The following CDH1 variants were observed in gnomAD, a reference collection of about 807,000 sequenced individuals.
CDH1 encodes cadherin-1.
A neutral mutation model predicts 84.5 loss-of-function variants in CDH1; 35 were observed. That is an observed-to-expected ratio of 0.41 (90% CI 0.32 to 0.55). The LOEUF is 0.55. CDH1 is among the 20% of genes least tolerant of loss of function. The probability of loss-of-function intolerance (pLI) is 0.19; values close to 1 mark genes in which losing one functional copy is unlikely to be tolerated. For synonymous variants in CDH1, 417 were observed against 439.0 expected, an observed-to-expected ratio of 0.95 and a Z score of 0.63; for missense variants, 994 against 1,126.6, an observed-to-expected ratio of 0.88 and a Z score of 1.68.
At chr16:68,803,820 G>C (rs1437639156) in intron 3 of CDH1, among the ~76,000 whole-genome samples, 1 of 151,782 alleles carries the variant, frequency 6.6e-6, no homozygotes, top group South Asian at 2.1e-4. Flanking sequence ...TCCAATTGTC[G>C]TGGTTTATGT....
chr16:68,768,884 A>G (rs11075699), intron 2 of CDH1, among the ~76,000 whole-genome samples: 57,155 of 152,064 alleles, frequency 0.38, 11,504 homozygotes, highest in East Asian at 0.48. Context: ...CCTCAGGGCC[A>G]TGGTGCCTGC....
Position 68,801,866 on chromosome 16 carries a change from G to T in CDH1, c.360G>T (p.Gly120=). 1.2e-6 allele frequency: 2 copies of T among 1,614,124 alleles called. No individual in the cohort carries two copies. Among genetic ancestry groups the T allele is most frequent in the Non-Finnish European group, 1.7e-6 (2 of 1,179,992 alleles). The change falls in exon 3 of 16, where the codon GGG becomes GGT. Residue 120 remains glycine (G), a synonymous_variant. Transcript: ENST00000261769. ...FSTKVTLNTV[G]HHHRPPPHQA... is the part of the protein sequence containing the mutation. ...CCAAAGTCACGCTGAATACAGTGGG[G>T]CACCACCACCGCCCCCCGCCCCATC...
intron 2 of CDH1, among the ~76,000 whole-genome samples, chr16:68,780,751 G>A (rs924846968): frequency 5.3e-5 from 8 of 152,168 alleles, no homozygotes; most frequent in Admixed American, 4.6e-4. Context: ...CCTCATTCTC[G>A]TGATTTCATG....
intron 2 of CDH1, among the ~76,000 whole-genome samples, chr16:68,793,513 C>T (rs976788195): frequency 6.6e-6 from 1 of 152,152 alleles, no homozygotes; most frequent in African/African-American, 2.4e-5. Context: ...TGAGTCCTGG[C>T]GGCTAAGTAG....
chr16:68,787,232 A>C (rs1960078438), intron 2 of CDH1, among the ~76,000 whole-genome samples: 1 of 152,206 alleles, frequency 6.6e-6, no homozygotes, highest in Non-Finnish European at 1.5e-5. Flanking sequence ...CCGCAAGCCT[A>C]GTGCTGAAGA....
At chr16:68,815,882 A>G (rs1418425736) in intron 10 of CDH1, 123 bp downstream of exon 10, 4 of 1,205,804 alleles carry the variant, frequency 3.3e-6, no homozygotes, top group Non-Finnish European at 4.8e-6. Flanking sequence ...CATTCTCTTA[A>G]TTTATTTTTT....
intron 2 of CDH1, among the ~76,000 whole-genome samples, chr16:68,770,575 G>A (rs943930666): frequency 6.6e-6 from 1 of 151,990 alleles, no homozygotes; most frequent in East Asian, 1.9e-4. Context: ...CATTCTAGAA[G>A]GATGTAAAGC....
intron 15 of CDH1, among the ~76,000 whole-genome samples, 162 bp downstream of exon 15, chr16:68,829,959 C>CTT (rs35566564): frequency 6.5e-5 from 7 of 108,010 alleles, no homozygotes; most frequent in Admixed American, 9.3e-5. Flanking sequence ...TTTTCTTTTT[C>CTT]TTTTTTTTTT....
chr16:68,743,348 TTTC>T (rs1187858090), intron 2 of CDH1, among the ~76,000 whole-genome samples: 18,767 of 60,082 alleles, frequency 0.31, 2,971 homozygotes, highest in Middle Eastern at 0.34. Flanking sequence ...TCTTTCTTTC[TTTC>T]TTTCTTTCTT....
At chr16:68,789,191 AT>A (rs1018284478) in intron 2 of CDH1, among the ~76,000 whole-genome samples, 1 of 151,004 alleles carries the variant, frequency 6.6e-6, no homozygotes, top group East Asian at 1.9e-4. Flanking sequence ...TGCCCAGCTA[AT>A]TTTTTTTTGT....
At chr16:68,774,231 ATGTT>A (rs567963135) in intron 2 of CDH1, among the ~76,000 whole-genome samples, 29 of 152,264 alleles carry the variant, frequency 1.9e-4, no homozygotes, top group African/African-American at 7.0e-4. Context: ...CAGTTTTAAA[ATGTT>A]TGTTGATGGC....
intron 3 of CDH1, 140 bp from the exon 4 acceptor site, chr16:68,808,284 G>C: frequency 1.2e-6 from 1 of 833,792 alleles, no homozygotes; most frequent in South Asian, 1.5e-5. Context: ...ATTTGTCATT[G>C]ATAAGAGAAT....
At chr16:68,806,122 A>ATGTTTGTTTATT (rs377407300) in intron 3 of CDH1, among the ~76,000 whole-genome samples, 57 of 144,434 alleles carry the variant, frequency 3.9e-4, no homozygotes, top group African/African-American at 1.4e-3. Flanking sequence ...TAATTTTTGT[A>ATGTTTGTTTATT]TATTTATTTA....
chr16:68,767,204 T>A (rs79569467), intron 2 of CDH1, among the ~76,000 whole-genome samples: 1 of 151,748 alleles, frequency 6.6e-6, no homozygotes, highest in Non-Finnish European at 1.5e-5. Context: ...TTTTTTTTTT[T>A]CTTTTCCCCT....
At chr16:68,826,441 C>T (rs9940010) in intron 13 of CDH1, 8,656 of 152,206 alleles carry the variant, frequency 0.057, 308 homozygotes, top group African/African-American at 0.097. Context: ...GCCACTCCTC[C>T]GGCCAATTTC....
chr16:68,748,583 A>G (rs1413062703), intron 2 of CDH1, among the ~76,000 whole-genome samples: 2 of 152,224 alleles, frequency 1.3e-5, no homozygotes, highest in Non-Finnish European at 1.5e-5. Flanking sequence ...ACAGTATTTC[A>G]GACAGTAACC....
At chr16:68,817,264 A>G (rs1961010376) in intron 10 of CDH1, among the ~76,000 whole-genome samples, 2 of 152,236 alleles carry the variant, frequency 1.3e-5, no homozygotes, top group African/African-American at 4.8e-5. Context: ...CCACAGGTCA[A>G]CAGGGCAACC....
chr16:68,737,515 C>CGCACCAGCCCCGT, intron 1 of CDH1, 52 bp downstream of exon 1: 1 of 1,351,408 alleles, frequency 7.4e-7, no homozygotes, highest in Non-Finnish European at 1.0e-6. Flanking sequence ...GCAAGCTCCG[C>CGCACCAGCCCCGT]GCCCCAGCCC....
chr16:68,761,301 G>C (rs887507159), intron 2 of CDH1, among the ~76,000 whole-genome samples: 1 of 151,688 alleles, frequency 6.6e-6, no homozygotes, highest in Non-Finnish European at 1.5e-5. Flanking sequence ...GATACATCAG[G>C]CTTGGGGCAG....
Sources: allele counts gnomAD v4.1 joint callset (sites outside exome capture counted in the v4.1 genomes callset), GRCh38; gene constraint gnomAD v4.1.1; transcripts MANE v1.5; gene names NCBI Gene and HGNC (gene_info 2026-07-23, HGNC 2026-07-21).